The following WWOX variants were observed in gnomAD, a reference collection of about 807,000 sequenced individuals.
The protein encoded by WWOX is WW domain-containing oxidoreductase.
Under a neutral mutation model 46.2 loss-of-function variants are expected in WWOX, and 69 were observed. That is an observed-to-expected ratio of 1.49 (90% confidence interval 1.23 to 1.82). The LOEUF (loss-of-function observed/expected upper bound fraction) is 1.82, where lower values mean the gene tolerates loss of function less well. WWOX is among the 40% of genes most tolerant of loss of function. The pLI, the probability that WWOX is intolerant of heterozygous loss-of-function variation, is 0.00. For missense variants in WWOX, 919 were observed against 542.6 expected (o/e 1.69, Z -6.89); for synonymous variants, 359 against 202.6 (o/e 1.77, Z -6.56).
chr16:78,642,221 A>C (rs1185000980), intron 8 of WWOX, among the ~76,000 whole-genome samples: 1 of 152,136 alleles, frequency 6.6e-6, no homozygotes, highest in Non-Finnish European at 1.5e-5. Flanking sequence ...ATAGCATCCC[A>C]TGTTGTCAAG....
chr16:78,793,551 T>C (rs1053029284), intron 8 of WWOX, among the ~76,000 whole-genome samples: 3 of 152,238 alleles, frequency 2.0e-5, no homozygotes, highest in African/African-American at 7.2e-5. Context: ...ATTAAATGAT[T>C]CTGGTTATTA....
intron 5 of WWOX, among the ~76,000 whole-genome samples, chr16:78,327,149 C>A (rs1265141856): frequency 1.3e-5 from 2 of 152,152 alleles, no homozygotes; most frequent in African/African-American, 2.4e-5. Context: ...TGGTGAAGGC[C>A]ATCCAAGCCC....
intron 8 of WWOX, among the ~76,000 whole-genome samples, chr16:78,543,428 A>C (rs1254116274): frequency 2.0e-5 from 3 of 152,224 alleles, no homozygotes; most frequent in Admixed American, 6.5e-5. Context: ...ATTAAGAGGT[A>C]CTGTATTGTT....
intron 8 of WWOX, among the ~76,000 whole-genome samples, chr16:79,129,879 C>A (rs529532724): frequency 1.3e-5 from 2 of 152,246 alleles, no homozygotes; most frequent in South Asian, 2.1e-4. Context: ...GGGTCAGGCT[C>A]CCTGGAGTGA....
chr16:78,162,203 C>T (rs935582708), intron 4 of WWOX, among the ~76,000 whole-genome samples: 2 of 152,056 alleles, frequency 1.3e-5, no homozygotes, highest in Admixed American at 1.3e-4. Flanking sequence ...CTTTATTTTT[C>T]AAAAATATTT....
At chr16:79,027,652 C>T (rs969362634) in intron 8 of WWOX, among the ~76,000 whole-genome samples, 3 of 151,818 alleles carry the variant, frequency 2.0e-5, no homozygotes, top group Admixed American at 1.3e-4. Context: ...TGTTATAAGC[C>T]AAGCTTTGCA....
Position 78,534,708 on chromosome 16 carries a change from T to G in WWOX, c.1056+101956T>G, listed in dbSNP as rs1004193833. Among the ~76,000 whole-genome samples, 5 of 151,990 alleles carry G rather than the reference T, an allele frequency of 3.3e-5. No individual in the cohort carries two copies. The East Asian group carries it at 7.7e-4, about 24-fold the overall frequency. On this transcript the variant is annotated intron_variant, in intron 8 of 8. Coordinates refer to ENST00000566780, the MANE Select transcript of WWOX (RefSeq NM_016373.4). ...GCAATATTGCTTTACATCTTTTTAT[T>G]TTTTTATTTCATTTTATTTTTTTTG...
At chr16:78,647,458 T>C (rs909131171) in intron 8 of WWOX, among the ~76,000 whole-genome samples, 2 of 152,146 alleles carry the variant, frequency 1.3e-5, no homozygotes, top group Non-Finnish European at 2.9e-5. Flanking sequence ...CATGGACCCG[T>C]TCAGTACACA....
intron 8 of WWOX, among the ~76,000 whole-genome samples, chr16:78,981,431 A>G (rs985648975): frequency 5.8e-5 from 8 of 137,780 alleles, no homozygotes; most frequent in Admixed American, 5.4e-4. Flanking sequence ...TGATGTTTAT[A>G]TGAAGCATCA....
chr16:78,288,919 A>G (rs916167875), intron 5 of WWOX, among the ~76,000 whole-genome samples: 1 of 152,190 alleles, frequency 6.6e-6, no homozygotes, highest in African/African-American at 2.4e-5. Context: ...CAGAAGAACA[A>G]CAACAAAAAA....
intron 6 of WWOX, among the ~76,000 whole-genome samples, chr16:78,388,310 C>G (rs1006394357): frequency 6.6e-6 from 1 of 152,190 alleles, no homozygotes; most frequent in African/African-American, 2.4e-5. Context: ...GGATTACACA[C>G]ATGAACCACT....
intron 8 of WWOX, among the ~76,000 whole-genome samples, chr16:78,565,137 C>G (rs992616262): frequency 1.3e-5 from 2 of 152,256 alleles, no homozygotes; most frequent in Non-Finnish European, 2.9e-5. Context: ...GTAGAAGGAA[C>G]TCTGACTTTG....
chr16:79,170,876 C>G (rs1474612724), intron 8 of WWOX, among the ~76,000 whole-genome samples: 1 of 152,124 alleles, frequency 6.6e-6, no homozygotes, highest in Admixed American at 6.5e-5. Flanking sequence ...CAACTTTGGC[C>G]AAACCTTCGT....
At chr16:79,083,412 T>C (rs1207588926) in intron 8 of WWOX, among the ~76,000 whole-genome samples, 1 of 152,154 alleles carries the variant, frequency 6.6e-6, no homozygotes, top group Non-Finnish European at 1.5e-5. Context: ...TCAACAGAGC[T>C]TCCCTGTTGG....
chr16:78,443,259 C>T (rs562955262), intron 8 of WWOX, among the ~76,000 whole-genome samples: 34 of 151,408 alleles, frequency 2.2e-4, no homozygotes, highest in Non-Finnish European at 4.6e-4. Context: ...GAGCTGACAT[C>T]GCATCACTGC....
chr16:78,396,597 A>G lies in WWOX; in HGVS notation c.605+9649A>G, dbSNP rs557116248. 3.3e-5 allele frequency among the ~76,000 whole-genome samples: 5 copies of G among 152,330 alleles called. No individual in the cohort carries two copies. The South Asian group carries it at 6.2e-4, about 19-fold the overall frequency. ...CTCACAATCCCACCAGTGCACATGC[A>G]AGGTGATGTCCTTCCTTTAGCTATA... On this transcript the variant is annotated intron_variant, in intron 6 of 8. Coordinates refer to ENST00000566780, the MANE Select transcript of WWOX (RefSeq NM_016373.4).
intron 8 of WWOX, among the ~76,000 whole-genome samples, chr16:78,687,043 G>T (rs1314616257): frequency 6.6e-6 from 1 of 152,050 alleles, no homozygotes; most frequent in Non-Finnish European, 1.5e-5. Context: ...AGAGAGTAGG[G>T]ATCATTAAGG....
intron 8 of WWOX, among the ~76,000 whole-genome samples, chr16:78,957,050 T>C (rs2151307856): frequency 6.6e-6 from 1 of 152,352 alleles, no homozygotes; most frequent in East Asian, 1.9e-4. Flanking sequence ...ACTTGCCTCA[T>C]GTGACTTTCT....
At chr16:78,258,021 T>C (rs1567462027) in intron 5 of WWOX, among the ~76,000 whole-genome samples, 1 of 152,208 alleles carries the variant, frequency 6.6e-6, no homozygotes, top group Non-Finnish European at 1.5e-5. Flanking sequence ...TCATACTGTA[T>C]GTAAGTATGA....
Sources: gnomAD v4.1 joint callset for allele counts (sites outside exome capture counted in the v4.1 genomes callset) on GRCh38, gnomAD v4.1.1 for gene constraint, MANE v1.5 for transcripts, NCBI Gene and HGNC (gene_info 2026-07-23, HGNC 2026-07-21) for gene names.